Variants in USP31 observed in about 807,000 individuals in gnomAD.
USP31 encodes ubiquitin carboxyl-terminal hydrolase 31.
USP31 carries 44 observed loss-of-function variants against 119.4 expected under a neutral mutation model. The ratio of observed to expected loss-of-function variants is 0.37; its 90% CI spans 0.29 to 0.47. USP31 has a LOEUF of 0.47. Among genes scored for constraint, USP31 ranks in the 20% least tolerant of loss-of-function variants. The pLI is 0.99. For missense variants in USP31, 1,643 were observed against 1,730.2 expected (o/e 0.95, Z 0.89); for synonymous variants, 749 against 705.6 (o/e 1.06, Z -0.97).
At chr16:23,075,604 C>T (rs549098433) in intron 13 of USP31, among the ~76,000 whole-genome samples, 13 of 152,200 alleles carry the variant, frequency 8.5e-5, no homozygotes, top group African/African-American at 2.9e-4. Context: ...CTGATACTGC[C>T]GTGATATTTT....
chr16:23,104,844 G>C lies in USP31; in HGVS notation c.1089+597C>G, dbSNP rs28572111. On this transcript the variant is annotated intron_variant, in intron 5 of 15. Coordinates refer to ENST00000219689, the MANE Select transcript of USP31 (RefSeq NM_020718.4). ...TGCAAAAACATGTCAAGTCCAAACA[G>C]GTCAAAAGTATTTTTGGTCAATTTC... 9.2e-3 allele frequency among the ~76,000 whole-genome samples: 1,397 copies of C among 152,232 alleles called. 17 individuals are homozygous for C. Among genetic ancestry groups the C allele is most frequent in the African/African-American group, 0.029 (1,212 of 41,532 alleles).
Position 23,105,502 on chromosome 16 carries a change from G to A in USP31, c.1028C>T (p.Ser343Phe). The A allele has an allele frequency of 6.2e-7, 1 of 1,614,162 alleles. No individual in the cohort carries two copies. The highest frequency in any genetic ancestry group is 2.2e-5 in the East Asian group (1 of 44,892). ...CMRIGVAVPL[S>F]GTVARLREAV... ...TTCCCGAAGTCTGGCGACAGTCCCA[G>A]ACAGAGGTACGGCCACACCAATCCT... Residue 343 changes from serine (S) to phenylalanine (F), a missense_variant, in exon 5 of 16, where the codon TCT becomes TTT. By Grantham distance (155) the Ser-to-Phe change is radical (BLOSUM62 -2). Around this residue, in one of 5 missense-constraint regions of USP31, gnomAD observed 144 missense variants for 218.0 expected, o/e 0.66. Transcript: ENST00000219689.
intron 14 of USP31, among the ~76,000 whole-genome samples, chr16:23,073,084 TTG>T (rs1166839544): frequency 6.6e-6 from 1 of 152,164 alleles, no homozygotes; most frequent in Non-Finnish European, 1.5e-5. Context: ...GTGTGTCCAC[TTG>T]TTTGGATTAT....
rs781342011 is a variant in USP31 at position 23,068,607 on chromosome 16, G to C, written c.3498C>G (p.Asp1166Glu). The C allele has an allele frequency of 6.2e-7, 1 of 1,614,208 alleles. No individual in the cohort carries two copies. Among genetic ancestry groups the C allele is most frequent in the South Asian group, 1.1e-5 (1 of 91,084 alleles). The change falls in exon 16 of 16, where the codon GAC (aspartate) becomes GAG (glutamate). Residue 1166 changes from aspartate to glutamate, a missense_variant. Physicochemically the swap from Asp to Glu is conservative, Grantham distance 45. Around this residue, in one of 5 missense-constraint regions of USP31, gnomAD observed 699 missense variants for 650.9 expected, o/e 1.07. Coordinates refer to ENST00000219689, the MANE Select transcript of USP31 (RefSeq NM_020718.4). ...REGSRQSLGS[D>E]RASATSTSKP... ...TGGAGGTGGAGGTGGCGCTGGCTCT[G>C]TCAGAACCCAAGCTTTGTCTGGAGC...
chr16:23,128,814 C>A (rs1174451933), intron 1 of USP31, among the ~76,000 whole-genome samples: 1 of 152,036 alleles, frequency 6.6e-6, no homozygotes, highest in Non-Finnish European at 1.5e-5. Flanking sequence ...AGAAAAAAAC[C>A]TCAAACTTGA....
intron 1 of USP31, among the ~76,000 whole-genome samples, chr16:23,111,831 T>A (rs1273152649): frequency 6.6e-6 from 1 of 152,054 alleles, no homozygotes. Context: ...TGATCAACAG[T>A]GTGAAATGTT....
At position 23,067,829 on chromosome 16, in the gene USP31, C is replaced by A; in HGVS notation, c.*217G>T. ...AGTTAGCTTGGTGTCAATGTTTTGC[C>A]TATGGCTGTTATTTGGTTCAATGGC... is the stretch of plus-strand genomic sequence containing the variant. On this transcript the variant is annotated 3_prime_UTR_variant, in exon 16 of 16. Coordinates refer to ENST00000219689, the MANE Select transcript of USP31 (RefSeq NM_020718.4). The A allele has an allele frequency of 1.9e-6, 1 of 529,436 alleles. No individual in the cohort carries two copies. The highest frequency in any genetic ancestry group is 3.2e-6 in the Non-Finnish European group (1 of 315,518). 32.8% of individuals were successfully genotyped at this position (529,436 alleles called of 1,614,324 possible). A position where few individuals can be genotyped will look rare whatever the true frequency, so the allele number is the denominator to read the frequency against.
At chr16:23,117,751 C>CTTTTTTTTTTTTT (rs67615111) in intron 1 of USP31, among the ~76,000 whole-genome samples, 6 of 141,616 alleles carry the variant, frequency 4.2e-5, no homozygotes, top group African/African-American at 1.0e-4. Flanking sequence ...TTTTCCTTTT[C>CTTTTTTTTTTTTT]TTTTTTTTTT....
chr16:23,069,064 G>C lies in USP31; in HGVS notation c.3041C>G (p.Ser1014Ter). ...TGTGCTCTCTGGTTTCTTTGCGAGTGAGCCTGGGTGGCTGGGGGCTTTCAC... is the reference window on the plus strand; with the variant it reads ...TGTGCTCTCTGGTTTCTTTGCGAGTCAGCCTGGGTGGCTGGGGGCTTTCAC... ...KEVKAPSHPG[S>*]LAKKPESTTK... The change falls in exon 16 of 16, where the codon TCA becomes TGA. Residue 1014 changes from serine (S) to a stop codon, truncating the protein, a stop_gained. Coordinates refer to ENST00000219689, the MANE Select transcript of USP31 (RefSeq NM_020718.4). LOFTEE classifies it high-confidence loss of function. 1 of 1,612,602 alleles carries C rather than the reference G, an allele frequency of 6.2e-7. No homozygotes were observed. Among genetic ancestry groups the C allele is most frequent in the Non-Finnish European group, 8.5e-7 (1 of 1,180,020 alleles).
At chr16:23,074,744 T>C (rs577805808) in intron 13 of USP31, among the ~76,000 whole-genome samples, 77 of 152,288 alleles carry the variant, frequency 5.1e-4, no homozygotes, top group African/African-American at 1.8e-3. Flanking sequence ...ATTCTAAGCC[T>C]GAGCTAGAAA....
intron 1 of USP31, among the ~76,000 whole-genome samples, chr16:23,132,633 C>T (rs1342124896): frequency 6.6e-6 from 1 of 152,316 alleles, no homozygotes; most frequent in African/African-American, 2.4e-5. Flanking sequence ...CATGTTTAGA[C>T]TAGATCAGTT....
intron 1 of USP31, among the ~76,000 whole-genome samples, chr16:23,145,749 G>C (rs1465275776): frequency 6.6e-6 from 1 of 152,192 alleles, no homozygotes; most frequent in Non-Finnish European, 1.5e-5. Flanking sequence ...CTGAACCATA[G>C]AACCATCCAC....
At chr16:23,144,001 G>C (rs1222586329) in intron 1 of USP31, among the ~76,000 whole-genome samples, 1 of 152,132 alleles carries the variant, frequency 6.6e-6, no homozygotes, top group Non-Finnish European at 1.5e-5. Context: ...GTAATGGCTA[G>C]AGACATTTTT....
chr16:23,132,771 C>T (rs893745588), intron 1 of USP31, among the ~76,000 whole-genome samples: 2 of 152,104 alleles, frequency 1.3e-5, no homozygotes, highest in Non-Finnish European at 2.9e-5. Context: ...TACTGTATGA[C>T]CCAACCAAAA....
intron 14 of USP31, 105 bp downstream of exon 14, chr16:23,073,617 G>T: frequency 7.4e-7 from 1 of 1,358,448 alleles, no homozygotes; most frequent in Non-Finnish European, 1.0e-6. Flanking sequence ...GGATTCATCT[G>T]ATCAAACTGA....
chr16:23,073,636 T>A, intron 14 of USP31, 86 bp downstream of exon 14: 1 of 1,471,470 alleles, frequency 6.8e-7, no homozygotes, highest in South Asian at 1.3e-5. Flanking sequence ...GACAGAGTCA[T>A]GAGAGCCTCC....
chr16:23,117,510 C>G (rs1228904990), intron 1 of USP31, among the ~76,000 whole-genome samples: 1 of 152,148 alleles, frequency 6.6e-6, no homozygotes, highest in African/African-American at 2.4e-5. Flanking sequence ...AAAGTATGGT[C>G]AAGAGCCAGG....
intron 1 of USP31, among the ~76,000 whole-genome samples, chr16:23,137,030 A>T (rs1467101112): frequency 6.6e-6 from 1 of 152,152 alleles, no homozygotes; most frequent in Non-Finnish European, 1.5e-5. Flanking sequence ...CTAGGCAACA[A>T]GGTAAAACCC....
chr16:23,080,989 G>A lies in USP31; in HGVS notation c.1951-818C>T, dbSNP rs557784121. ...ACTGTGTAAGCAGTGCACAGAACAT[G>A]TTAGAAATAGGAGTAATGGAGGTGA... On this transcript the variant is annotated intron_variant, in intron 12 of 15. Coordinates refer to ENST00000219689, the MANE Select transcript of USP31 (RefSeq NM_020718.4). 4.6e-5 allele frequency among the ~76,000 whole-genome samples: 7 copies of A among 152,294 alleles called. No individual in the cohort carries two copies. In the East Asian group the frequency reaches 1.4e-3, roughly 29 times the overall value.
Sources: gnomAD v4.1 joint callset for allele counts (sites outside exome capture counted in the v4.1 genomes callset) on GRCh38, gnomAD v4.1.1 for gene constraint, gnomAD v4.1.1 regional missense constraint, MANE v1.5 for transcripts, NCBI Gene and HGNC (gene_info 2026-07-23, HGNC 2026-07-21) for gene names.